Variants in TENM3 observed in about 807,000 individuals in gnomAD.
TENM3 encodes the protein teneurin-3.
In TENM3, 63 loss-of-function variants were observed where a neutral mutation model predicts 255.1. That is an observed-to-expected ratio of 0.25 (90% CI 0.20 to 0.30). TENM3 has a LOEUF of 0.30. Ranked by LOEUF, TENM3 falls within the 10% of genes least tolerant of loss-of-function variation. The probability of loss-of-function intolerance (pLI) is 1.00; values close to 1 mark genes in which losing one functional copy is unlikely to be tolerated. For missense variants in TENM3, 2,929 were observed against 3,461.1 expected (o/e 0.85, Z 3.86); for synonymous variants, 1,306 against 1,322.3 (o/e 0.99, Z 0.27).
At chr4:182,111,674 G>A in the TENM3 span, among the ~76,000 whole-genome samples, 1 of 152,108 alleles carries the variant, frequency 6.6e-6, no homozygotes, top group Non-Finnish European at 1.5e-5. Flanking sequence ...TGCCACCTAA[G>A]GCCAGTTTCC....
chr4:182,452,037 A>C (rs140665479), intron 3 of TENM3, among the ~76,000 whole-genome samples: 2 of 152,230 alleles, frequency 1.3e-5, no homozygotes, highest in Non-Finnish European at 2.9e-5. Flanking sequence ...TTTCACACTA[A>C]TATGATATAT....
chr4:182,680,468 C>G, intron 9 of TENM3, 75 bp from the exon 10 acceptor site: 2 of 1,555,980 alleles, frequency 1.3e-6, no homozygotes, highest in Non-Finnish European at 1.8e-6. Flanking sequence ...TTGCTTGTTC[C>G]AGCGATGTGT....
the TENM3 span, among the ~76,000 whole-genome samples, chr4:181,947,365 T>C: frequency 6.6e-6 from 1 of 152,234 alleles, no homozygotes; most frequent in Non-Finnish European, 1.5e-5. Context: ...ATTGTTTTAA[T>C]AGACAGGTTT....
At chr4:181,865,242 T>C in the TENM3 span, among the ~76,000 whole-genome samples, 1 of 152,234 alleles carries the variant, frequency 6.6e-6, no homozygotes, top group Admixed American at 6.5e-5. Context: ...TACTAGCTGT[T>C]GTGAACAGTT....
chr4:181,568,529 G>A, the TENM3 span, among the ~76,000 whole-genome samples: 4 of 151,986 alleles, frequency 2.6e-5, no homozygotes, highest in African/African-American at 7.2e-5. Flanking sequence ...TGGGGTCCAC[G>A]TATCCTCATG....
chr4:181,894,212 C>T, the TENM3 span, among the ~76,000 whole-genome samples: 2 of 152,116 alleles, frequency 1.3e-5, no homozygotes, highest in Non-Finnish European at 2.9e-5. Context: ...GAAACAGTAA[C>T]ACTACCCTTT....
the TENM3 span, among the ~76,000 whole-genome samples, chr4:181,481,588 CA>C: frequency 8.5e-5 from 13 of 152,234 alleles, no homozygotes; most frequent in Non-Finnish European, 1.3e-4. Context: ...AACTAAGGCC[CA>C]GAGAGGTTAA....
chr4:182,304,868 C>T lies in TENM3; in HGVS notation c.-75-19078C>T, dbSNP rs566702512. ...CCAGTGGTTTGCAGCCACCGTACTT[C>T]GGCTTACTGATGTGCTGCACGTGAA... On this transcript the variant is annotated intron_variant, in intron 1 of 27. Coordinates refer to ENST00000511685, the MANE Select transcript of TENM3 (RefSeq NM_001080477.4). 1.6e-4 allele frequency among the ~76,000 whole-genome samples: 24 copies of T among 152,222 alleles called. No individual in the cohort carries two copies. In the South Asian group the frequency reaches 3.7e-3, roughly 24 times the overall value.
At chr4:181,614,511 A>G in the TENM3 span, among the ~76,000 whole-genome samples, 1 of 152,212 alleles carries the variant, frequency 6.6e-6, no homozygotes, top group Non-Finnish European at 1.5e-5. Flanking sequence ...TTTAAACTCT[A>G]AGTGATGCTG....
At chr4:181,885,325 A>C in the TENM3 span, among the ~76,000 whole-genome samples, 1 of 152,272 alleles carries the variant, frequency 6.6e-6, no homozygotes, top group East Asian at 1.9e-4. Flanking sequence ...TGAAGTGGTG[A>C]GATGTCGGCT....
the TENM3 span, among the ~76,000 whole-genome samples, chr4:182,090,285 G>A: frequency 6.6e-6 from 1 of 152,286 alleles, no homozygotes; most frequent in African/African-American, 2.4e-5. Flanking sequence ...CAATTGATAC[G>A]CAGAAGCAAT....
chr4:182,694,907 C>A (rs1332059819), intron 12 of TENM3, among the ~76,000 whole-genome samples: 1 of 152,116 alleles, frequency 6.6e-6, no homozygotes, highest in Non-Finnish European at 1.5e-5. Flanking sequence ...AAGAATAGTA[C>A]TTTAATTGTT....
At chr4:182,723,253 A>G (rs903077104) in intron 13 of TENM3, among the ~76,000 whole-genome samples, 1 of 152,340 alleles carries the variant, frequency 6.6e-6, no homozygotes, top group Non-Finnish European at 1.5e-5. Flanking sequence ...CATGATCCCA[A>G]TCCAGAAATG....
At chr4:181,911,677 G>A in the TENM3 span, among the ~76,000 whole-genome samples, 3 of 152,148 alleles carry the variant, frequency 2.0e-5, no homozygotes, top group African/African-American at 7.2e-5. Context: ...TTAGAGGCTG[G>A]CACATAAAAA....
At position 182,524,173 on chromosome 4, in the gene TENM3, G is replaced by T. The variant is rs566274288; in HGVS notation, c.512-76751G>T. Among the ~76,000 whole-genome samples the T allele has an allele frequency of 1.1e-3, 173 of 152,224 alleles. 1 individual carries two copies. In the South Asian group the frequency reaches 0.026, roughly 23 times the overall value. ...TTGCTGAAGTTTATTTGGAAAAAAG[G>T]AAGAACGTGCTCACAACAGGAGAGC... On this transcript the variant is annotated intron_variant, in intron 3 of 27. Transcript: ENST00000511685.
At chr4:181,684,701 C>T in the TENM3 span, among the ~76,000 whole-genome samples, 1,707 of 152,064 alleles carry the variant, frequency 0.011, 22 homozygotes, top group African/African-American at 0.038. Flanking sequence ...TATGCAATAC[C>T]CTTTCCTCTT....
At chr4:182,546,910 A>G (rs900532741) in intron 3 of TENM3, among the ~76,000 whole-genome samples, 1 of 152,200 alleles carries the variant, frequency 6.6e-6, no homozygotes, top group Non-Finnish European at 1.5e-5. Flanking sequence ...CTGAGTGTGT[A>G]TGATGAAAAG....
At chr4:181,985,782 T>G in the TENM3 span, among the ~76,000 whole-genome samples, 1 of 152,146 alleles carries the variant, frequency 6.6e-6, no homozygotes, top group African/African-American at 2.4e-5. Flanking sequence ...CCATCATGTA[T>G]CTGTTTTACA....
At position 182,217,009 on chromosome 4, in the gene TENM3, C is replaced by CTT. The variant is rs3071526; in HGVS notation, c.-76+72285_-76+72286dup. 1.7e-3 allele frequency among the ~76,000 whole-genome samples: 114 copies of CTT among 67,502 alleles called. 6 individuals carry two copies. Among genetic ancestry groups the CTT allele is most frequent in the African/African-American group, 3.3e-3 (61 of 18,328 alleles). 44.3% of individuals were successfully genotyped at this position (67,502 alleles called of 152,430 possible). Reference sequence around the variant, plus strand: ...TCTAAATTTCACCATCATTTTCTTTCTTTTTTTTTTTTTTTTTTTTTTTTT... The same window carrying CTT: ...TCTAAATTTCACCATCATTTTCTTTCTTTTTTTTTTTTTTTTTTTTTTTTTTT... On this transcript the variant is annotated intron_variant, in intron 1 of 2. Transcript: ENST00000512480.
Sources: gnomAD v4.1 joint callset for allele counts (sites outside exome capture counted in the v4.1 genomes callset) on GRCh38, gnomAD v4.1.1 for gene constraint, MANE v1.5 for transcripts, NCBI Gene and HGNC (gene_info 2026-07-23, HGNC 2026-07-21) for gene names.